WDR62: variants seen among roughly 807,000 people sequenced by gnomAD.
WDR62 encodes the protein WD repeat-containing protein 62.
In WDR62, 112 loss-of-function variants were observed where a neutral mutation model predicts 160.6. The ratio of observed to expected loss-of-function variants is 0.70; its 90% confidence interval spans 0.60 to 0.82. The LOEUF (loss-of-function observed/expected upper bound fraction) is 0.82. WDR62 is among the 40% of genes least tolerant of loss of function. The probability of loss-of-function intolerance (pLI) is 0.00; values close to 1 mark genes in which losing one functional copy is unlikely to be tolerated. For missense variants in WDR62, 1,819 were observed against 1,983.8 expected, an observed-to-expected ratio of 0.92 and a Z score of 1.58; for synonymous variants, 792 against 815.1, an observed-to-expected ratio of 0.97 and a Z score of 0.48.
At chr19:36,108,955 ATCT>A (rs1453228963), downstream of WDR62, among the ~76,000 whole-genome samples, 1 of 151,878 alleles carries the variant, frequency 6.6e-6, no homozygotes, top group Non-Finnish European at 1.5e-5. Context: ...AGCTACATGG[ATCT>A]TCAATACAAA....
downstream of WDR62, among the ~76,000 whole-genome samples, chr19:36,106,117 C>T (rs1287408394): frequency 6.6e-6 from 1 of 152,214 alleles, no homozygotes; most frequent in East Asian, 1.9e-4. Flanking sequence ...ACTGCTTCCC[C>T]TTCAGAAGTT....
At position 36,092,876 on chromosome 19, in the gene WDR62, C is replaced by T. The variant is rs554923802; in HGVS notation, c.2333+65C>T. 15 of 1,611,050 alleles carry T rather than the reference C, an allele frequency of 9.3e-6. No individual in the cohort carries two copies. In the African/African-American group the frequency reaches 1.6e-4, roughly 17 times the overall value. ...CCTGCCAGGGCCCCATGGAGTGATGCTGGGGACACAGTGGTGGCCAAGACA... is the reference window on the plus strand; with the variant it reads ...CCTGCCAGGGCCCCATGGAGTGATGTTGGGGACACAGTGGTGGCCAAGACA... On this transcript the variant is annotated intron_variant, in intron 19 of 31. Coordinates refer to ENST00000401500, the MANE Select transcript of WDR62 (RefSeq NM_001083961.2).
chr19:36,106,704 G>A (rs1436966978), downstream of WDR62, among the ~76,000 whole-genome samples: 1 of 152,254 alleles, frequency 6.6e-6, no homozygotes, highest in African/African-American at 2.4e-5. Context: ...CTGGAATGGA[G>A]TGAGCAAGGG....
At chr19:36,071,811 C>T (rs975957715) in intron 8 of WDR62, 95 bp downstream of exon 8, 2 of 1,469,244 alleles carry the variant, frequency 1.4e-6, no homozygotes, top group Admixed American at 4.1e-5. Context: ...TCTGTCTGTC[C>T]ATCCCACAAA....
At chr19:36,079,836 T>G (rs1023073849) in intron 9 of WDR62, among the ~76,000 whole-genome samples, 1 of 152,174 alleles carries the variant, frequency 6.6e-6, no homozygotes, top group African/African-American at 2.4e-5. Flanking sequence ...ATGGGAGTAT[T>G]TTGTCACTGA....
chr19:36,060,151 C>T (rs1489944400), intron 3 of WDR62, 121 bp downstream of exon 3: 2 of 1,041,148 alleles, frequency 1.9e-6, no homozygotes, highest in Non-Finnish European at 3.0e-6. Flanking sequence ...CATGTTGGCT[C>T]AGCAGCATTC....
chr19:36,073,370 G>A lies in WDR62; in HGVS notation c.1072G>A (p.Val358Ile), dbSNP rs150120122. The change falls in exon 9 of 32, where the codon GTC (valine) becomes ATC (isoleucine). Residue 358 changes from valine to isoleucine, a missense_variant. Physicochemically the swap from Val to Ile is conservative, Grantham distance 29. Transcript: ENST00000401500. ...SFLFHRKAEA[V>I]YPDTVALTFD... ...CCTCTTCCACAGGAAGGCGGAAGCA[G>A]TCTACCCAGATACAGTGGCACTGAC... 8 of 1,614,074 alleles carry A rather than the reference G, an allele frequency of 5.0e-6. No homozygotes were observed. In the African/African-American group the frequency reaches 9.3e-5, roughly 19 times the overall value.
Position 36,081,418 on chromosome 19 carries a change from C to T in WDR62, c.1234-15C>T, listed in dbSNP as rs774420975. 12 of 1,613,460 alleles carry T rather than the reference C, an allele frequency of 7.4e-6. No homozygotes were observed. In the South Asian group the frequency reaches 1.2e-4, roughly 16 times the overall value. ...TCATTGAGTCATCCTTTGCCTTGTCCTCTGGGAACTGTAGGTGTATCCTGA... is the reference window on the plus strand; with the variant it reads ...TCATTGAGTCATCCTTTGCCTTGTCTTCTGGGAACTGTAGGTGTATCCTGA... On this transcript the variant is annotated splice_polypyrimidine_tract_variant and intron_variant, in intron 9 of 31. Transcript: ENST00000401500.
intron 9 of WDR62, among the ~76,000 whole-genome samples, chr19:36,078,822 C>T (rs889176741): frequency 3.2e-5 from 4 of 123,682 alleles, no homozygotes; most frequent in Non-Finnish European, 4.8e-5. Flanking sequence ...GGCGACAGGG[C>T]GAGACTCTGT....
At chr19:36,069,809 C>T (rs62109753) in intron 7 of WDR62, among the ~76,000 whole-genome samples, 20,755 of 152,240 alleles carry the variant, frequency 0.14, 1,731 homozygotes, top group Middle Eastern at 0.25. Context: ...GCCAACACAG[C>T]GAAACCCTGT....
At position 36,066,603 on chromosome 19, in the gene WDR62, C is replaced by T. The variant is rs116297807; in HGVS notation, c.561+176C>T. On this transcript the variant is annotated intron_variant, in intron 5 of 31. Transcript: ENST00000401500. ...TTATTGTAGGGCACAAGGCAGGCTC[C>T]CAGCTAGAAGCATTATACATATTTT... Among the ~76,000 whole-genome samples the T allele has an allele frequency of 0.013, 1,927 of 152,280 alleles. 51 individuals carry two copies. Among genetic ancestry groups the T allele is most frequent in the African/African-American group, 0.045 (1,857 of 41,546 alleles).
At chr19:36,061,525 C>T (rs1440786036) in intron 3 of WDR62, 1 of 152,208 alleles carries the variant, frequency 6.6e-6, no homozygotes, top group Non-Finnish European at 1.5e-5. Context: ...GCCTCTGGGG[C>T]CCAAATTCCC....
In WDR62 at chr19:36,103,797, A is replaced by G. The variant is rs1470451673; in HGVS notation, c.3969A>G (p.Ala1323=). ...VDTQPGVTVP[A]VSFPAPSPVE... Reference sequence around the variant, plus strand: ...CCCAGCCTGGCGTCACCGTCCCTGCAGTGAGCTTCCCAGCCCCTAGCCCTG... The same window carrying G: ...CCCAGCCTGGCGTCACCGTCCCTGCGGTGAGCTTCCCAGCCCCTAGCCCTG... The change falls in exon 30 of 32, where the codon GCA becomes GCG. Residue 1323 remains alanine (A), a synonymous_variant. Transcript: ENST00000401500. 3.1e-6 allele frequency: 5 copies of G among 1,609,244 alleles called. No individual in the cohort carries two copies. The highest frequency in any genetic ancestry group is 2.5e-6 in the Non-Finnish European group (3 of 1,179,544).
At chr19:36,068,619 A>G (rs1971075522) in intron 7 of WDR62, among the ~76,000 whole-genome samples, 1 of 152,192 alleles carries the variant, frequency 6.6e-6, no homozygotes, top group African/African-American at 2.4e-5. Context: ...ACCGCCCTTA[A>G]TGCATTTAAC....
intron 30 of WDR62, 91 bp downstream of exon 30, chr19:36,104,072 C>G (rs191466958): frequency 2.7e-6 from 4 of 1,495,212 alleles, no homozygotes; most frequent in Non-Finnish European, 3.7e-6. Flanking sequence ...GACCTGGCCA[C>G]AGGGACTGTG....
chr19:36,081,886 G>T (rs948082305), intron 10 of WDR62: 2 of 512,322 alleles, frequency 3.9e-6, no homozygotes, highest in African/African-American at 1.9e-5. Context: ...TCTTGAGATG[G>T]AATTCCCTGG....
chr19:36,087,871 C>A (rs1972345371), intron 13 of WDR62, among the ~76,000 whole-genome samples: 1 of 152,076 alleles, frequency 6.6e-6, no homozygotes, highest in African/African-American at 2.4e-5. Flanking sequence ...AAGTGAGTAT[C>A]CACAGTTCTT....
chr19:36,058,666 C>A, intron 1 of WDR62, 114 bp from the exon 2 acceptor site: 1 of 782,904 alleles, frequency 1.3e-6, no homozygotes, highest in Admixed American at 2.0e-5. Context: ...GGCGTGGCCA[C>A]AGAAGCTCAG....
the WDR62 span, among the ~76,000 whole-genome samples, chr19:36,110,888 T>C: frequency 1.3e-5 from 2 of 151,986 alleles, no homozygotes; most frequent in South Asian, 4.2e-4. Context: ...CCTGGGGCCT[T>C]GTTTCTTCTT....
Sources: gnomAD v4.1 joint callset for allele counts (sites outside exome capture counted in the v4.1 genomes callset) on GRCh38, gnomAD v4.1.1 for gene constraint, MANE v1.5 for transcripts, NCBI Gene and HGNC (gene_info 2026-07-23, HGNC 2026-07-21) for gene names.